PHF21A: variants seen among roughly 807,000 people sequenced by gnomAD.
PHF21A encodes BHC80a.
In PHF21A, 11 loss-of-function variants were observed where a neutral mutation model predicts 82.5. The observed-to-expected ratio is 0.13, with a 90% confidence interval of 0.08 to 0.22. PHF21A has a LOEUF of 0.22. PHF21A is among the 10% of genes least tolerant of loss of function. The probability of loss-of-function intolerance (pLI) is 1.00; values close to 1 mark genes in which losing one functional copy is unlikely to be tolerated. For synonymous variants in PHF21A, 297 were observed against 302.8 expected (o/e 0.98, Z 0.20); for missense variants, 579 against 837.8 (o/e 0.69, Z 3.81).
intron 1 of PHF21A, among the ~76,000 whole-genome samples, chr11:46,097,808 T>C (rs917830206): frequency 1.3e-5 from 2 of 152,082 alleles, no homozygotes; most frequent in African/African-American, 4.8e-5. Context: ...CTGACCTATA[T>C]GACATCTCCC....
In PHF21A at chr11:46,106,448, C is replaced by T. The variant is rs553199680; in HGVS notation, c.-236-14225G>A. Among the ~76,000 whole-genome samples, 270 of 152,200 alleles carry T rather than the reference C, an allele frequency of 1.8e-3. 2 individuals carry two copies. The highest frequency in any genetic ancestry group is 0.01 in the Middle Eastern group (3 of 294). ...TTAGTATCAAGTCCTGATAAGTTAACGGCATCTGTTCCTTTCAGAAAAAGA... is the reference window on the plus strand; with the variant it reads ...TTAGTATCAAGTCCTGATAAGTTAATGGCATCTGTTCCTTTCAGAAAAAGA... On this transcript the variant is annotated intron_variant, in intron 1 of 18. Transcript: ENST00000676320.
chr11:45,951,518 G>A (rs2092109514), intron 11 of PHF21A, among the ~76,000 whole-genome samples: 1 of 152,192 alleles, frequency 6.6e-6, no homozygotes. Context: ...AGCAGTCTTG[G>A]ACTTTCCTGC....
intron 18 of PHF21A, chr11:45,935,058 G>A (rs1026702170): frequency 8.2e-7 from 1 of 1,223,156 alleles, no homozygotes; most frequent in African/African-American, 1.5e-5. Context: ...AGAAGCCTCT[G>A]TCCCCCTGCT....
At chr11:46,047,596 G>C (rs934439977) in intron 6 of PHF21A, among the ~76,000 whole-genome samples, 2 of 152,162 alleles carry the variant, frequency 1.3e-5, no homozygotes, top group African/African-American at 4.8e-5. Context: ...AGAACTGAAA[G>C]GGTTAAAGCA....
chr11:45,965,627 A>G lies in PHF21A; in HGVS notation c.703-19T>C. 2.0e-6 allele frequency: 3 copies of G among 1,511,740 alleles called. No homozygotes were observed. The highest frequency in any genetic ancestry group is 8.9e-7 in the Non-Finnish European group (1 of 1,128,970). 93.6% of individuals were successfully genotyped at this position (1,511,740 alleles called of 1,614,324 possible). On this transcript the variant is annotated intron_variant, in intron 9 of 18. Transcript: ENST00000676320. ...GTCGAACCTATAGGGGAAAGAGAGA[A>G]TAATTATTGTATTACTTAAGCTGCT... is the stretch of plus-strand genomic sequence containing the variant.
intron 5 of PHF21A, among the ~76,000 whole-genome samples, chr11:46,077,228 AAAGAT>A (rs1292681625): frequency 6.6e-6 from 1 of 152,230 alleles, no homozygotes; most frequent in Non-Finnish European, 1.5e-5. Flanking sequence ...CATTATCAAC[AAAGAT>A]AAGAGGTTTT....
At chr11:45,988,825 A>T (rs963268197) in intron 6 of PHF21A, among the ~76,000 whole-genome samples, 1 of 152,140 alleles carries the variant, frequency 6.6e-6, no homozygotes, top group African/African-American at 2.4e-5. Context: ...CAGGAGGTGG[A>T]GGTTGCAGTG....
intron 6 of PHF21A, among the ~76,000 whole-genome samples, chr11:46,044,892 A>G (rs1471729947): frequency 6.6e-6 from 1 of 152,208 alleles, no homozygotes; most frequent in Non-Finnish European, 1.5e-5. Flanking sequence ...TTCAAATGCT[A>G]AAGTATTCCA....
At chr11:45,953,670 T>A in intron 10 of PHF21A, 45 bp from the exon 11 acceptor site, 1 of 1,275,896 alleles carries the variant, frequency 7.8e-7, no homozygotes, top group Non-Finnish European at 1.1e-6. Context: ...CGTTTTTTAT[T>A]AAAAGGATGA....
intron 1 of PHF21A, among the ~76,000 whole-genome samples, chr11:46,108,567 G>GTATATATATA (rs146891624): frequency 0.033 from 2,028 of 62,152 alleles, 36 homozygotes; most frequent in African/African-American, 0.06. Flanking sequence ...GTGTGTGTGT[G>GTATATATATA]TATATATATA....
At chr11:46,030,426 G>A (rs1183673770) in intron 6 of PHF21A, among the ~76,000 whole-genome samples, 2 of 152,164 alleles carry the variant, frequency 1.3e-5, no homozygotes, top group African/African-American at 2.4e-5. Context: ...ATGATCAAGA[G>A]ATTATTCTTT....
intron 1 of PHF21A, among the ~76,000 whole-genome samples, chr11:46,114,570 A>G (rs756206692): frequency 2.8e-4 from 43 of 152,322 alleles, no homozygotes; most frequent in Non-Finnish European, 4.9e-4. Context: ...TCAATACAAC[A>G]TACTGTCCAT....
chr11:46,094,717 C>T (rs201935651), intron 1 of PHF21A, among the ~76,000 whole-genome samples: 2 of 151,910 alleles, frequency 1.3e-5, no homozygotes, highest in South Asian at 2.1e-4. Flanking sequence ...ATAATTATTT[C>T]GTAGAAGTCT....
chr11:45,956,569 A>G (rs1208349120), intron 10 of PHF21A, among the ~76,000 whole-genome samples: 1 of 152,150 alleles, frequency 6.6e-6, no homozygotes, highest in African/African-American at 2.4e-5. Context: ...CTGAAACCAT[A>G]CAAGCAGGGT....
At chr11:46,036,492 A>G (rs1281903602) in intron 6 of PHF21A, among the ~76,000 whole-genome samples, 1 of 152,258 alleles carries the variant, frequency 6.6e-6, no homozygotes, top group Non-Finnish European at 1.5e-5. Flanking sequence ...GTAAATTTAT[A>G]GATTTCAGGA....
Position 45,971,132 on chromosome 11 carries a change from T to C in PHF21A, c.596A>G (p.Lys199Arg). 1 of 1,614,166 alleles carries C rather than the reference T, an allele frequency of 6.2e-7. No homozygotes were observed. The highest frequency in any genetic ancestry group is 8.5e-7 in the Non-Finnish European group (1 of 1,180,034). The stretch of plus-strand genomic sequence containing the variant: ...CTGGCTTACCAGAGTGACTGTGTTT[T>C]TTGCCACAATTTGGACAGCCTCTGC... ...PGAEAVQIVA[K>R]NTVTLQVQAT... The change falls in exon 8 of 19, where the codon AAA becomes AGA. Residue 199 changes from lysine to arginine, a missense_variant. By Grantham distance (26) the Lys-to-Arg change is conservative. Coordinates refer to ENST00000676320, the MANE Select transcript of PHF21A (RefSeq NM_001352027.3).
intron 6 of PHF21A, among the ~76,000 whole-genome samples, chr11:46,062,717 G>A (rs189185640): frequency 6.6e-6 from 1 of 152,070 alleles, no homozygotes; most frequent in Non-Finnish European, 1.5e-5. Flanking sequence ...ATACACTACT[G>A]AAAGGAATGT....
At chr11:46,034,331 ATC>A (rs750875268) in intron 6 of PHF21A, among the ~76,000 whole-genome samples, 8 of 151,804 alleles carry the variant, frequency 5.3e-5, no homozygotes, top group Non-Finnish European at 7.4e-5. Context: ...TGTTAAAAAT[ATC>A]TGTCTTGAAT....
In PHF21A at chr11:45,971,097, G is replaced by C; in HGVS notation, c.612+19C>G. 6.2e-7 allele frequency: 1 copy of C among 1,613,520 alleles called. No individual in the cohort carries two copies. The highest frequency in any genetic ancestry group is 8.5e-7 in the Non-Finnish European group (1 of 1,179,750). ...AACCTTCTCATGTGATCACACATGA[G>C]GAGCAGCTGCTGGCTTACCAGAGTG... On this transcript the variant is annotated intron_variant, in intron 8 of 18. Coordinates refer to ENST00000676320, the MANE Select transcript of PHF21A (RefSeq NM_001352027.3).
Sources: gnomAD v4.1 joint callset for allele counts (sites outside exome capture counted in the v4.1 genomes callset) on GRCh38, gnomAD v4.1.1 for gene constraint, MANE v1.5 for transcripts, NCBI Gene and HGNC (gene_info 2026-07-23, HGNC 2026-07-21) for gene names.